The following CAST variants were observed in gnomAD, a reference collection of about 807,000 sequenced individuals.
CAST encodes the protein MIR583 host.
CAST carries 76 observed loss-of-function variants against 119.6 expected under a neutral mutation model. The ratio of observed to expected loss-of-function variants is 0.64; its 90% CI spans 0.53 to 0.77. The LOEUF (loss-of-function observed/expected upper bound fraction) is 0.77. CAST is among the 30% of genes least tolerant of loss of function. The pLI is 0.00. For missense variants in CAST, 953 were observed against 946.5 expected (o/e 1.01, Z -0.09); for synonymous variants, 319 against 331.6 (o/e 0.96, Z 0.41).
chr5:96,594,690 G>C (rs530131467), intron 1 of CAST, among the ~76,000 whole-genome samples: 1 of 152,050 alleles, frequency 6.6e-6, no homozygotes, highest in African/African-American at 2.4e-5. Context: ...TTTTCAACAA[G>C]AGGTTTCAAA....
chr5:96,634,904 T>A (rs1181676783), intron 1 of CAST, among the ~76,000 whole-genome samples: 1 of 152,248 alleles, frequency 6.6e-6, no homozygotes. Context: ...CTGGGTAAGA[T>A]TTCTTAAAGA....
chr5:96,729,995 CA>C (rs1760120386), intron 8 of CAST, among the ~76,000 whole-genome samples: 1 of 151,142 alleles, frequency 6.6e-6, no homozygotes, highest in Admixed American at 6.6e-5. Context: ...GCTGTGACTG[CA>C]GGGCAGCAGG....
the CAST span, among the ~76,000 whole-genome samples, chr5:96,257,704 C>G: frequency 6.6e-6 from 1 of 152,220 alleles, no homozygotes; most frequent in African/African-American, 2.4e-5. Context: ...TTTATTGATT[C>G]ATTGGTAACT....
At chr5:96,007,278 C>A in the CAST span, among the ~76,000 whole-genome samples, 23 of 152,308 alleles carry the variant, frequency 1.5e-4, no homozygotes, top group Admixed American at 1.4e-3. Flanking sequence ...GTGTTCTTTT[C>A]ATTGTATGTG....
the CAST span, chr5:96,318,825 T>A: frequency 2.6e-5 from 4 of 152,308 alleles, no homozygotes; most frequent in East Asian, 7.7e-4. Context: ...TTTGGTTTCC[T>A]CTTCTGGAAA....
chr5:96,220,531 G>A, the CAST span, among the ~76,000 whole-genome samples: 1 of 152,172 alleles, frequency 6.6e-6, no homozygotes, highest in African/African-American at 2.4e-5. Flanking sequence ...GATACCCAAA[G>A]CATTTAAACA....
At chr5:96,483,156 A>T in the CAST span, among the ~76,000 whole-genome samples, 1 of 152,218 alleles carries the variant, frequency 6.6e-6, no homozygotes, top group African/African-American at 2.4e-5. Flanking sequence ...TAAGTCATAA[A>T]TTTCCATTGA....
At chr5:96,566,808 T>TA (rs1262196980) in intron 1 of CAST, among the ~76,000 whole-genome samples, 1 of 152,140 alleles carries the variant, frequency 6.6e-6, no homozygotes, top group Non-Finnish European at 1.5e-5. Context: ...ATTAATAAAA[T>TA]AAAAAACTGC....
At chr5:95,994,817 A>T in the CAST span, among the ~76,000 whole-genome samples, 1 of 152,146 alleles carries the variant, frequency 6.6e-6, no homozygotes, top group African/African-American at 2.4e-5. Context: ...CATGTGCTAT[A>T]TACTTTTTAT....
At chr5:96,086,158 GT>G in the CAST span, among the ~76,000 whole-genome samples, 1 of 151,816 alleles carries the variant, frequency 6.6e-6, no homozygotes, top group Non-Finnish European at 1.5e-5. Context: ...GTCATACTGT[GT>G]TTTTTAACTT....
chr5:96,493,962 G>A, the CAST span, among the ~76,000 whole-genome samples: 1 of 152,156 alleles, frequency 6.6e-6, no homozygotes, highest in South Asian at 2.1e-4. Context: ...TTGAACCTGG[G>A]AGGCAGAGGC....
intron 9 of CAST, among the ~76,000 whole-genome samples, chr5:96,731,652 C>G (rs1225386495): frequency 1.3e-5 from 2 of 150,568 alleles, no homozygotes; most frequent in Non-Finnish European, 2.9e-5. Flanking sequence ...TCCCTCCCCC[C>G]TCTCCCCACC....
chr5:96,558,651 A>T (rs189100461), intron 1 of CAST, among the ~76,000 whole-genome samples: 2 of 152,344 alleles, frequency 1.3e-5, no homozygotes, highest in Admixed American at 1.3e-4. Context: ...TCCCAAGACT[A>T]AACCAGGAAG....
intron 16 of CAST, 89 bp downstream of exon 16, chr5:96,742,845 C>CT (rs1287483097): frequency 8.8e-6 from 8 of 904,496 alleles, no homozygotes; most frequent in Admixed American, 2.1e-5. Context: ...TCTCGCACAA[C>CT]TTTTATTGGA....
At chr5:96,315,945 C>CGG in the CAST span, among the ~76,000 whole-genome samples, 1 of 152,184 alleles carries the variant, frequency 6.6e-6, no homozygotes, top group African/African-American at 2.4e-5. Flanking sequence ...GAGAGAGAAG[C>CGG]TGTTGTGGAC....
At chr5:96,330,486 T>A in the CAST span, among the ~76,000 whole-genome samples, 4 of 152,230 alleles carry the variant, frequency 2.6e-5, no homozygotes, top group Admixed American at 6.5e-5. Flanking sequence ...TTTTTAATGG[T>A]CACACCTTTT....
chr5:96,041,974 G>A, the CAST span, among the ~76,000 whole-genome samples: 1 of 152,166 alleles, frequency 6.6e-6, no homozygotes, highest in Non-Finnish European at 1.5e-5. Flanking sequence ...TAGTTTCAGA[G>A]GTGAGCAGGG....
the CAST span, among the ~76,000 whole-genome samples, chr5:95,999,267 C>G: frequency 6.6e-6 from 1 of 152,046 alleles, no homozygotes; most frequent in South Asian, 2.1e-4. Context: ...TTTTGCCTTG[C>G]ATAACTTTTT....
chr5:96,373,756 T>C, the CAST span, among the ~76,000 whole-genome samples: 1 of 152,200 alleles, frequency 6.6e-6, no homozygotes, highest in African/African-American at 2.4e-5. Context: ...TCTTTTTTTT[T>C]TGTTTTTAAG....
Sources: gnomAD v4.1 joint callset for allele counts (sites outside exome capture counted in the v4.1 genomes callset) on GRCh38, gnomAD v4.1.1 for gene constraint, MANE v1.5 for transcripts, NCBI Gene and HGNC (gene_info 2026-07-23, HGNC 2026-07-21) for gene names.